The following KCNAB2 variants were observed in gnomAD, a reference collection of about 807,000 sequenced individuals.
KCNAB2 encodes the protein voltage-gated potassium channel subunit beta-2.
A neutral mutation model predicts 63.6 loss-of-function variants in KCNAB2; 29 were observed. That is an observed-to-expected ratio of 0.46 (90% CI 0.34 to 0.62). The LOEUF (loss-of-function observed/expected upper bound fraction) is 0.62, where lower values mean the gene tolerates loss of function less well. Among genes scored for constraint, KCNAB2 ranks in the 20% least tolerant of loss-of-function variants. The pLI, the probability that KCNAB2 is intolerant of heterozygous loss-of-function variation, is 0.01. For missense variants in KCNAB2, 359 were observed against 563.9 expected, an observed-to-expected ratio of 0.64 and a Z score of 3.68; for synonymous variants, 222 against 224.2, an observed-to-expected ratio of 0.99 and a Z score of 0.09.
chr1:6,058,237 T>C (rs539717222), intron 2 of KCNAB2, among the ~76,000 whole-genome samples: 1 of 152,368 alleles, frequency 6.6e-6, no homozygotes, highest in East Asian at 1.9e-4. Context: ...TGATTACATT[T>C]GCAAAGACCT....
chr1:6,087,218 G>A lies in KCNAB2; in HGVS notation c.426-249G>A, dbSNP rs1664776983. 6.6e-6 allele frequency among the ~76,000 whole-genome samples: 1 copy of A among 151,986 alleles called. No homozygotes were observed. Among genetic ancestry groups the A allele is most frequent in the Non-Finnish European group, 1.5e-5 (1 of 67,994 alleles). ...CTCCGGTCACACTAGGCCCCCCACT[G>A]TCCAACTCCCACTGCCTGACTCACA... On this transcript the variant is annotated intron_variant, in intron 6 of 15. Transcript: ENST00000378083. The surrounding 1 kb of genome is among the most constrained non-coding windows in gnomAD (Gnocchi z 6.4).
In KCNAB2 at chr1:6,051,596, A is replaced by G. The variant is rs1486353621; in HGVS notation, c.60A>G (p.Glu20=). 10 of 1,534,752 alleles carry G rather than the reference A, an allele frequency of 6.5e-6. No individual in the cohort carries two copies. In the Admixed American group the frequency reaches 1.8e-4, roughly 27 times the overall value. The change falls in exon 2 of 16, where the codon GAA becomes GAG. Residue 20 remains glutamate, a synonymous_variant. Coordinates refer to ENST00000378083, the MANE Select transcript of KCNAB2 (RefSeq NM_001199862.2). ...LRSVSSRCHS[E]WALHPVRQTD... is the part of the protein sequence containing the mutation. ...GCGTGAGCAGCAGGTGCCACTCTGA[A>G]TGGGCCCTGCACCCCGTCCGCCAGA... is the stretch of plus-strand genomic sequence containing the variant.
rs1301065671 is a variant in KCNAB2, at chr1:5,994,722, C to T, written c.-53+1934C>T. Among the ~76,000 whole-genome samples the T allele has an allele frequency of 6.6e-6, 1 of 152,126 alleles. No individual in the cohort carries two copies. The highest frequency in any genetic ancestry group is 1.9e-4 in the East Asian group (1 of 5,200). On this transcript the variant is annotated intron_variant, in intron 1 of 16. Transcript: ENST00000341524. The surrounding 1 kb of genome is among the most constrained non-coding windows in gnomAD (Gnocchi z 5.4). ...AGCAGTGTGCACAGAAGCCATTGCA[C>T]CCGGGAGGTGGGACGTGGGCCATGG...
chr1:6,080,566 G>T (rs919026873), intron 4 of KCNAB2, among the ~76,000 whole-genome samples: 1 of 152,164 alleles, frequency 6.6e-6, no homozygotes, highest in African/African-American at 2.4e-5. Context: ...CTCACTAACC[G>T]GGGCTCAGCT....
rs1219519146 is a variant in KCNAB2, at chr1:6,098,750, G to A, written c.*176G>A. ...GCTGCCAGACACCACCCACTGCTTC[G>A]CCGGACAATGTCGAAGTCCAGTCTG... On this transcript the variant is annotated 3_prime_UTR_variant, in exon 16 of 16. Coordinates refer to ENST00000378083, the MANE Select transcript of KCNAB2 (RefSeq NM_001199862.2). 7 of 768,652 alleles carry A rather than the reference G, an allele frequency of 9.1e-6. No individual in the cohort carries two copies. The highest frequency in any genetic ancestry group is 1.8e-5 in the South Asian group (1 of 54,428). The allele number at this position is 768,652 out of a possible 1,614,324, so 47.6% of individuals were successfully genotyped here. A position where few individuals can be genotyped will look rare whatever the true frequency, so the allele number is the denominator to read the frequency against.
intron 1 of KCNAB2, chr1:6,040,452 C>A: frequency 6.7e-6 from 6 of 890,322 alleles, no homozygotes; most frequent in Non-Finnish European, 1.1e-5. Context: ...AGTCTCCCGG[C>A]CAAACCTGGT....
intron 1 of KCNAB2, among the ~76,000 whole-genome samples, chr1:6,037,574 A>G (rs1444872713): frequency 6.6e-6 from 1 of 152,256 alleles, no homozygotes; most frequent in Non-Finnish European, 1.5e-5. Flanking sequence ...AGCAGGGCTC[A>G]GCCAGTGTTC....
intron 1 of KCNAB2, among the ~76,000 whole-genome samples, chr1:6,012,229 G>T (rs1658207621): frequency 1.3e-5 from 2 of 148,432 alleles, no homozygotes; most frequent in South Asian, 4.4e-4. Flanking sequence ...GATGGGTGGA[G>T]GTGGAGGTGA....
In KCNAB2 at chr1:6,073,876, G is replaced by A. The variant is rs183343740; in HGVS notation, c.300+106G>A. The A allele has an allele frequency of 1.6e-4, 185 of 1,146,944 alleles. No individual in the cohort carries two copies. In the South Asian group the frequency reaches 1.7e-3, roughly 11 times the overall value. The allele number at this position is 1,146,944 out of a possible 1,614,324, so 71.0% of individuals were successfully genotyped here. ...TGAGCACGTGCTCCCGGGAGCCAGC[G>A]CAGCAGCCTCCCTCCCTCTTTCTGT... On this transcript the variant is annotated intron_variant, in intron 4 of 15. Transcript: ENST00000378083. The surrounding 1 kb of genome is among the most constrained non-coding windows in gnomAD (Gnocchi z 5.7).
chr1:5,999,226 T>G (rs1378289704), intron 1 of KCNAB2, among the ~76,000 whole-genome samples: 1 of 152,210 alleles, frequency 6.6e-6, no homozygotes, highest in Non-Finnish European at 1.5e-5. Context: ...TTGTGGAGTC[T>G]TGGGGCCTGG....
Position 6,000,589 on chromosome 1 carries a change from C to T in KCNAB2, c.-53+7801C>T, listed in dbSNP as rs531163824. Among the ~76,000 whole-genome samples, 3 of 151,998 alleles carry T rather than the reference C, an allele frequency of 2.0e-5. No individual in the cohort carries two copies. The East Asian group carries it at 5.8e-4, about 29-fold the overall frequency. On this transcript the variant is annotated intron_variant, in intron 1 of 16. Coordinates refer to the KCNAB2 transcript ENST00000341524. ...CCGCTCCTGTGAGGAGTGAACCCCA[C>T]CCCCCGCCGCTCTGCTGGTGTGAGT...
At chr1:6,040,883 C>G (rs1414550689) in intron 2 of KCNAB2, among the ~76,000 whole-genome samples, 1 of 152,258 alleles carries the variant, frequency 6.6e-6, no homozygotes, top group Non-Finnish European at 1.5e-5. Flanking sequence ...GGCGTTTGAG[C>G]CAGAGTAGAC....
chr1:6,041,924 G>A (rs370757165), upstream of KCNAB2: 52 of 1,545,926 alleles, frequency 3.4e-5, no homozygotes, highest in African/African-American at 6.8e-5. Flanking sequence ...GCCAGGGAGC[G>A]GGTGGGAGGA....
At chr1:6,052,795 C>T (rs1408925903) in intron 2 of KCNAB2, among the ~76,000 whole-genome samples, 1 of 151,576 alleles carries the variant, frequency 6.6e-6, no homozygotes, top group East Asian at 2.0e-4. Context: ...TTCAGATAAA[C>T]GCGTAACTTT....
chr1:6,072,321 C>T (rs1197346978), intron 2 of KCNAB2, among the ~76,000 whole-genome samples: 1 of 152,228 alleles, frequency 6.6e-6, no homozygotes, highest in East Asian at 1.9e-4. Flanking sequence ...GGACGATCTC[C>T]TGCCCCAGTC....
In KCNAB2 at chr1:6,035,297, C is replaced by T. The variant is rs778160127; in HGVS notation, c.-53+503C>T. 6.6e-6 allele frequency among the ~76,000 whole-genome samples: 1 copy of T among 152,132 alleles called. No individual in the cohort carries two copies. Among genetic ancestry groups the T allele is most frequent in the Non-Finnish European group, 1.5e-5 (1 of 68,018 alleles). On this transcript the variant is annotated intron_variant, in intron 1 of 15. Coordinates refer to the KCNAB2 transcript ENST00000164247. The surrounding 1 kb of genome is among the most constrained non-coding windows in gnomAD (Gnocchi z 5.0). ...TTGTGGACCCACTGTTGAGATTGGA[C>T]TTTGGCTCTGAATGGAATGGAAGCC...
Position 6,087,619 on chromosome 1 carries a change from C to A in KCNAB2, c.470+108C>A. 1 of 1,185,394 alleles carries A rather than the reference C, an allele frequency of 8.4e-7. No homozygotes were observed. Among genetic ancestry groups the A allele is most frequent in the South Asian group, 1.2e-5 (1 of 80,914 alleles). 73.4% of individuals were successfully genotyped at this position (1,185,394 alleles called of 1,614,324 possible). ...GCTCCTGGGGTGGCGGGAGGACAGT[C>A]CTCCTTGAGAAGGGAGAGTGGTCGG... On this transcript the variant is annotated intron_variant, in intron 7 of 15. Transcript: ENST00000378083. This position sits in a 1 kb window ranked among gnomAD's most constrained non-coding sequence, Gnocchi z 6.4.
Position 6,098,742 on chromosome 1 carries a change from A to G in KCNAB2, c.*168A>G. Reference sequence around the variant, plus strand: ...CCCAAGTCGCTGCCAGACACCACCCACTGCTTCGCCGGACAATGTCGAAGT... The same window carrying G: ...CCCAAGTCGCTGCCAGACACCACCCGCTGCTTCGCCGGACAATGTCGAAGT... On this transcript the variant is annotated 3_prime_UTR_variant, in exon 16 of 16. Coordinates refer to ENST00000378083, the MANE Select transcript of KCNAB2 (RefSeq NM_001199862.2). 1.2e-6 allele frequency: 1 copy of G among 814,530 alleles called. No individual in the cohort carries two copies. The allele number at this position is 814,530 out of a possible 1,614,324, so 50.5% of individuals were successfully genotyped here.
At chr1:6,008,987 C>T (rs1657989261) in intron 1 of KCNAB2, among the ~76,000 whole-genome samples, 1 of 152,250 alleles carries the variant, frequency 6.6e-6, no homozygotes, top group Non-Finnish European at 1.5e-5. Flanking sequence ...AAATTGGACA[C>T]GTCCAGGCCA....
Sources: allele counts gnomAD v4.1 joint callset (sites outside exome capture counted in the v4.1 genomes callset), GRCh38; gene constraint gnomAD v4.1.1; non-coding constraint Gnocchi (gnomAD v3.1); transcripts MANE v1.5; gene names NCBI Gene and HGNC (gene_info 2026-07-23, HGNC 2026-07-21).